Variants in SLC16A7 observed in about 807,000 individuals in gnomAD.
SLC16A7 encodes the protein solute carrier family 16 member 7, also known as monocarboxylate transporter 2.
In SLC16A7, 33 loss-of-function variants were observed where a neutral mutation model predicts 34.9. The observed-to-expected ratio is 0.94, with a 90% CI of 0.72 to 1.26. The LOEUF is 1.26. SLC16A7 is among the 50% of genes most tolerant of loss of function. SLC16A7 has a pLI of 0.00. For missense variants in SLC16A7, 573 were observed against 578.1 expected, an observed-to-expected ratio of 0.99 and a Z score of 0.09; for synonymous variants, 201 against 206.6, an observed-to-expected ratio of 0.97 and a Z score of 0.23.
At chr12:59,706,777 T>G (rs1873636997) in intron 3 of SLC16A7, among the ~76,000 whole-genome samples, 2 of 152,244 alleles carry the variant, frequency 1.3e-5, no homozygotes, top group South Asian at 2.1e-4. Flanking sequence ...TTTTCTTGCC[T>G]CTTAAATACA....
chr12:59,673,994 C>T (rs555638068), intron 2 of SLC16A7, among the ~76,000 whole-genome samples: 4 of 152,208 alleles, frequency 2.6e-5, no homozygotes, highest in African/African-American at 9.6e-5. Flanking sequence ...TTTAGTTATA[C>T]TGCCTTATAC....
intron 1 of SLC16A7, among the ~76,000 whole-genome samples, chr12:59,601,345 A>T (rs1311160093): frequency 6.6e-6 from 1 of 152,230 alleles, no homozygotes; most frequent in Non-Finnish European, 1.5e-5. Context: ...ATTAGATAAG[A>T]ATAAAAAATA....
chr12:59,653,561 C>T (rs976663893), intron 1 of SLC16A7, among the ~76,000 whole-genome samples: 3 of 151,296 alleles, frequency 2.0e-5, no homozygotes. Context: ...TATAATAATA[C>T]CAGTAATTTT....
intron 3 of SLC16A7, among the ~76,000 whole-genome samples, chr12:59,707,026 A>C (rs1405004515): frequency 1.3e-5 from 2 of 152,172 alleles, no homozygotes. Context: ...TGTTTCAAAA[A>C]GTGGCTATTC....
intron 3 of SLC16A7, among the ~76,000 whole-genome samples, chr12:59,723,517 A>G (rs1875860551): frequency 1.3e-5 from 2 of 152,028 alleles, no homozygotes; most frequent in Admixed American, 1.3e-4. Context: ...AGAAGAAATA[A>G]AAGACAGCCT....
At chr12:59,707,522 A>C (rs1230098288) in intron 3 of SLC16A7, among the ~76,000 whole-genome samples, 1 of 152,002 alleles carries the variant, frequency 6.6e-6, no homozygotes, top group Non-Finnish European at 1.5e-5. Context: ...TTTCTATTTT[A>C]ATATATATGG....
chr12:59,754,079 C>T (rs1170607511), intron 3 of SLC16A7, among the ~76,000 whole-genome samples: 1 of 152,070 alleles, frequency 6.6e-6, no homozygotes, highest in African/African-American at 2.4e-5. Context: ...ACGCAACATA[C>T]CAGAATCTCT....
At chr12:59,684,753 T>TA (rs1871019562) in intron 2 of SLC16A7, among the ~76,000 whole-genome samples, 1 of 151,990 alleles carries the variant, frequency 6.6e-6, no homozygotes, top group South Asian at 2.1e-4. Flanking sequence ...GAAACAAAAT[T>TA]AAACAATAAA....
In SLC16A7 at chr12:59,781,881, A is replaced by C. The variant is rs981653593; in HGVS notation, c.*2202A>C. On this transcript the variant is annotated 3_prime_UTR_variant, in exon 6 of 6. Coordinates refer to ENST00000547379, the MANE Select transcript of SLC16A7 (RefSeq NM_001270623.2). ...GGAAATAAATGGCAAAGTAATAATC[A>C]TGAGGTTTTAGGTCAAAGACTACAT... 2.6e-5 allele frequency: 4 copies of C among 152,106 alleles called. No individual in the cohort carries two copies. The highest frequency in any genetic ancestry group is 9.7e-5 in the African/African-American group (4 of 41,434). The allele number at this position is 152,106 out of a possible 1,614,324, so 9.4% of individuals were successfully genotyped here. A position where few individuals can be genotyped will look rare whatever the true frequency, so the allele number is the denominator to read the frequency against.
intron 1 of SLC16A7, among the ~76,000 whole-genome samples, chr12:59,611,349 A>G (rs1017372979): frequency 1.3e-5 from 2 of 152,200 alleles, no homozygotes; most frequent in Non-Finnish European, 2.9e-5. Context: ...CACTTATGCA[A>G]TCATCAGACC....
At chr12:59,618,500 A>G (rs987253745) in intron 1 of SLC16A7, among the ~76,000 whole-genome samples, 5 of 151,964 alleles carry the variant, frequency 3.3e-5, no homozygotes, top group Non-Finnish European at 7.4e-5. Flanking sequence ...AATTTTGGCT[A>G]ATGTTTGCCA....
At chr12:59,747,198 C>T (rs1390944313) in intron 3 of SLC16A7, among the ~76,000 whole-genome samples, 1 of 152,088 alleles carries the variant, frequency 6.6e-6, no homozygotes, top group Non-Finnish European at 1.5e-5. Flanking sequence ...TATGTGTATA[C>T]ATCTAATGAT....
At chr12:59,708,989 T>C (rs904094077) in intron 3 of SLC16A7, among the ~76,000 whole-genome samples, 1 of 151,700 alleles carries the variant, frequency 6.6e-6, no homozygotes, top group Middle Eastern at 3.2e-3. Context: ...GGTCACCCCA[T>C]TAATAAAGCA....
At chr12:59,607,388 A>G (rs895148951) in intron 1 of SLC16A7, among the ~76,000 whole-genome samples, 2 of 152,192 alleles carry the variant, frequency 1.3e-5, no homozygotes, top group East Asian at 3.9e-4. Context: ...ATATTACTCT[A>G]TATAATTTAT....
chr12:59,694,121 T>C (rs1423324990), intron 2 of SLC16A7, among the ~76,000 whole-genome samples: 1 of 151,960 alleles, frequency 6.6e-6, no homozygotes, highest in East Asian at 1.9e-4. Context: ...GTGTGATTAC[T>C]AAGGATCAAA....
intron 2 of SLC16A7, among the ~76,000 whole-genome samples, chr12:59,691,637 C>T (rs1172557553): frequency 6.6e-6 from 1 of 151,958 alleles, no homozygotes; most frequent in Non-Finnish European, 1.5e-5. Context: ...AGTAGTCTTT[C>T]TGTGTATACA....
chr12:59,723,335 A>G (rs957559646), intron 3 of SLC16A7, among the ~76,000 whole-genome samples: 2 of 151,958 alleles, frequency 1.3e-5, no homozygotes, highest in African/African-American at 4.8e-5. Context: ...TTCATTTAAT[A>G]AACATGTATT....
At chr12:59,621,420 G>A (rs1412512763) in intron 1 of SLC16A7, among the ~76,000 whole-genome samples, 1 of 151,844 alleles carries the variant, frequency 6.6e-6, no homozygotes, top group Non-Finnish European at 1.5e-5. Flanking sequence ...CATTGAGCAA[G>A]GATCCTTGTT....
chr12:59,692,860 T>C (rs1871838046), intron 2 of SLC16A7, among the ~76,000 whole-genome samples: 1 of 151,984 alleles, frequency 6.6e-6, no homozygotes, highest in South Asian at 2.1e-4. Context: ...AAGAATAAAA[T>C]AGCCTCTCGG....
Sources: gnomAD v4.1 joint callset for allele counts (sites outside exome capture counted in the v4.1 genomes callset) on GRCh38, gnomAD v4.1.1 for gene constraint, MANE v1.5 for transcripts, NCBI Gene and HGNC (gene_info 2026-07-23, HGNC 2026-07-21) for gene names.